The following ZMYM5 variants were observed in gnomAD, a reference collection of about 807,000 sequenced individuals.
ZMYM5 encodes the protein zinc finger MYM-type protein 5.
Under a neutral mutation model 61.8 loss-of-function variants are expected in ZMYM5, and 41 were observed. The observed-to-expected ratio is 0.66, with a 90% CI of 0.52 to 0.86. The LOEUF (loss-of-function observed/expected upper bound fraction) is 0.86. Ranked by LOEUF, ZMYM5 falls within the 40% of genes least tolerant of loss-of-function variation. The pLI is 0.00. For missense variants in ZMYM5, 706 were observed against 786.7 expected (o/e 0.90, Z 1.23); for synonymous variants, 257 against 276.4 (o/e 0.93, Z 0.70).
intron 4 of ZMYM5, among the ~76,000 whole-genome samples, chr13:19,846,899 T>A (rs985692012): frequency 6.6e-6 from 1 of 151,988 alleles, no homozygotes; most frequent in Admixed American, 6.6e-5. Flanking sequence ...TGCACTCTAG[T>A]CTGGGAAACA....
chr13:19,850,295 C>T (rs946924880), intron 4 of ZMYM5, among the ~76,000 whole-genome samples: 2 of 152,090 alleles, frequency 1.3e-5, no homozygotes, highest in African/African-American at 4.8e-5. Context: ...ACTAATAAAA[C>T]GCCGATTTAA....
At chr13:19,825,953 GA>G (rs1203867895) in intron 7 of ZMYM5, among the ~76,000 whole-genome samples, 1 of 150,074 alleles carries the variant, frequency 6.7e-6, no homozygotes, top group Non-Finnish European at 1.5e-5. Flanking sequence ...TGAGACACAA[GA>G]GACCTCACTT....
At chr13:19,848,166 TAA>T (rs1251697862) in intron 4 of ZMYM5, among the ~76,000 whole-genome samples, 1 of 151,760 alleles carries the variant, frequency 6.6e-6, no homozygotes, top group Non-Finnish European at 1.5e-5. Context: ...TGTATTTTTG[TAA>T]GAGACGGGGT....
At chr13:19,849,092 A>G (rs1052877374) in intron 4 of ZMYM5, among the ~76,000 whole-genome samples, 3 of 152,136 alleles carry the variant, frequency 2.0e-5, no homozygotes, top group Admixed American at 2.0e-4. Flanking sequence ...GGGAATGAGT[A>G]CTTCAGACAA....
chr13:19,825,183 T>C lies in ZMYM5; in HGVS notation c.1304A>G (p.Asn435Ser). The C allele has an allele frequency of 7.8e-7, 1 of 1,288,404 alleles. No individual in the cohort carries two copies. Among genetic ancestry groups the C allele is most frequent in the Non-Finnish European group, 1.0e-6 (1 of 985,596 alleles). The allele number at this position is 1,288,404 out of a possible 1,614,324, so 79.8% of individuals were successfully genotyped here. The change falls in exon 8 of 8, where the codon AAT (asparagine) becomes AGT (serine). Residue 435 changes from asparagine to serine, a missense_variant. Asn to Ser is a conservative substitution (Grantham distance 46). Coordinates refer to ENST00000337963, the MANE Select transcript of ZMYM5 (RefSeq NM_001142684.2). ...KLTASENRKR[N>S]AFREENEKQL... ...TTTCTCATTTTCTTCTCTAAAAGCATTCCTTTTTCTATTTTCTGATGCTGT... is the reference window on the plus strand; with the variant it reads ...TTTCTCATTTTCTTCTCTAAAAGCACTCCTTTTTCTATTTTCTGATGCTGT...
chr13:19,862,546 G>C (rs565287920), intron 1 of ZMYM5, 80 bp from the exon 2 acceptor site: 2 of 152,172 alleles, frequency 1.3e-5, no homozygotes, highest in Non-Finnish European at 2.9e-5. Flanking sequence ...GTGGCAAAGG[G>C]GTAAGAGGCC....
At chr13:19,860,975 T>C (rs1177654154) in intron 2 of ZMYM5, among the ~76,000 whole-genome samples, 4 of 149,166 alleles carry the variant, frequency 2.7e-5, no homozygotes, top group Non-Finnish European at 4.4e-5. Context: ...TCAAACCTTA[T>C]GGACCAGGCT....
intron 2 of ZMYM5, among the ~76,000 whole-genome samples, chr13:19,854,330 C>T (rs1953427432): frequency 6.6e-6 from 1 of 152,074 alleles, no homozygotes; most frequent in Non-Finnish European, 1.5e-5. Context: ...CATTTTTACT[C>T]TAAAAATTTC....
intron 2 of ZMYM5, among the ~76,000 whole-genome samples, chr13:19,858,062 G>A (rs969413381): frequency 2.7e-5 from 4 of 150,620 alleles, no homozygotes; most frequent in African/African-American, 9.8e-5. Context: ...TGGGCATGGT[G>A]GTGCACGCCT....
intron 3 of ZMYM5, 88 bp downstream of exon 3, chr13:19,851,601 T>A (rs1953298782): frequency 1.3e-6 from 2 of 1,546,022 alleles, no homozygotes; most frequent in Middle Eastern, 1.7e-4. Flanking sequence ...ACAGAGCTTA[T>A]ACCTGTTTCT....
intron 4 of ZMYM5, among the ~76,000 whole-genome samples, chr13:19,844,682 C>A (rs1310518236): frequency 6.6e-6 from 1 of 152,102 alleles, no homozygotes; most frequent in Admixed American, 6.6e-5. Context: ...AGTGCAGTGG[C>A]GCAATATCGG....
chr13:19,852,799 CTAAATTG>C (rs1391038244), intron 2 of ZMYM5, among the ~76,000 whole-genome samples: 1 of 152,120 alleles, frequency 6.6e-6, no homozygotes, highest in African/African-American at 2.4e-5. Flanking sequence ...GGGAAGCTAA[CTAAATTG>C]TTCCACATAA....
At chr13:19,848,130 C>T (rs2098384155) in intron 4 of ZMYM5, among the ~76,000 whole-genome samples, 1 of 151,760 alleles carries the variant, frequency 6.6e-6, no homozygotes, top group Non-Finnish European at 1.5e-5. Flanking sequence ...GCCACCATAC[C>T]CAGCTAATTT....
chr13:19,827,138 T>C (rs969540499), intron 7 of ZMYM5, among the ~76,000 whole-genome samples: 8 of 152,176 alleles, frequency 5.3e-5, no homozygotes, highest in Admixed American at 3.3e-4. Context: ...TTGGGGATGA[T>C]GAAAATGTTC....
chr13:19,850,947 G>A (rs537444271), intron 4 of ZMYM5, among the ~76,000 whole-genome samples: 7 of 152,268 alleles, frequency 4.6e-5, no homozygotes, highest in African/African-American at 9.6e-5. Flanking sequence ...GGTGGCTCAC[G>A]CCTGTAATTC....
At position 19,837,837 on chromosome 13, in the gene ZMYM5, T is replaced by C. The variant is rs773548280; in HGVS notation, c.873-16A>G. On this transcript the variant is annotated splice_polypyrimidine_tract_variant and intron_variant, in intron 5 of 7. Transcript: ENST00000337963. ...AGATGCATCTCTGAAACAGAAGGGA[T>C]AGACACATAATTTAAGAACACTGAA... 3.2e-6 allele frequency: 5 copies of C among 1,572,150 alleles called. No individual in the cohort carries two copies. Among genetic ancestry groups the C allele is most frequent in the Admixed American group, 4.4e-5 (2 of 45,162 alleles).
Position 19,838,814 on chromosome 13 carries a change from T to G in ZMYM5, c.758A>C (p.Lys253Thr). The G allele has an allele frequency of 1.2e-6, 2 of 1,614,168 alleles. No homozygotes were observed. The highest frequency in any genetic ancestry group is 1.7e-6 in the Non-Finnish European group (2 of 1,180,032). The stretch of plus-strand genomic sequence containing the variant: ...TTTTCGTTGATAAGCTGTCTGTCCC[T>G]TCTGTAAAGGCTTTTTGCAATTTGC... ...TCANCKKPLQ[K>T]GQTAYQRKGS... Residue 253 changes from lysine to threonine, a missense_variant, in exon 5 of 8, where the codon AAG becomes ACG. Physicochemically the swap from Lys to Thr is moderately conservative, Grantham distance 78. Transcript: ENST00000337963.
At chr13:19,858,075 A>G (rs1953576547) in intron 2 of ZMYM5, among the ~76,000 whole-genome samples, 1 of 151,054 alleles carries the variant, frequency 6.6e-6, no homozygotes, top group African/African-American at 2.4e-5. Context: ...GCACGCCTGT[A>G]ATCCCCAGCT....
At position 19,851,568 on chromosome 13, in the gene ZMYM5, T is replaced by C. The variant is rs980583176; in HGVS notation, c.493-120A>G. ...AGTGATGTTTTATATGTAATAATTA[T>C]GTTCACATCTTGCCCAGCATTCACA... On this transcript the variant is annotated intron_variant, in intron 3 of 7. Coordinates refer to ENST00000337963, the MANE Select transcript of ZMYM5 (RefSeq NM_001142684.2). The C allele has an allele frequency of 1.3e-5, 20 of 1,536,622 alleles. No homozygotes were observed. In the South Asian group the frequency reaches 2.3e-4, roughly 18 times the overall value.
Sources: gnomAD v4.1 joint callset for allele counts (sites outside exome capture counted in the v4.1 genomes callset) on GRCh38, gnomAD v4.1.1 for gene constraint, MANE v1.5 for transcripts, NCBI Gene and HGNC (gene_info 2026-07-23, HGNC 2026-07-21) for gene names.